SLC4A4: variants seen among roughly 807,000 people sequenced by gnomAD.
SLC4A4 encodes the protein electrogenic sodium bicarbonate cotransporter 1.
In SLC4A4, 27 loss-of-function variants were observed where a neutral mutation model predicts 111.5. The observed-to-expected ratio is 0.24, with a 90% CI of 0.18 to 0.33. The LOEUF is 0.33. Among genes scored for constraint, SLC4A4 ranks in the 10% least tolerant of loss-of-function variants. SLC4A4 has a pLI of 1.00. For synonymous variants in SLC4A4, 443 were observed against 463.4 expected, an observed-to-expected ratio of 0.96 and a Z score of 0.57; for missense variants, 909 against 1,315.5, an observed-to-expected ratio of 0.69 and a Z score of 4.78.
In SLC4A4 at chr4:71,367,192, C is replaced by T. The variant is rs374014204; in HGVS notation, c.730+10005C>T. Among the ~76,000 whole-genome samples the T allele has an allele frequency of 9.2e-5, 14 of 152,288 alleles. No individual in the cohort carries two copies. The South Asian group carries it at 1.2e-3, about 14-fold the overall frequency. ...AGAGGAGAGAGAAGCTGCTGGGGAA[C>T]GTTAGTTATCAGCATGAGTTTTGGA... On this transcript the variant is annotated intron_variant, in intron 6 of 25. Transcript: ENST00000264485.
chr4:71,320,655 G>A (rs1299633861), intron 3 of SLC4A4, among the ~76,000 whole-genome samples: 2 of 151,998 alleles, frequency 1.3e-5, no homozygotes, highest in Non-Finnish European at 2.9e-5. Flanking sequence ...AGCTTATGCA[G>A]GTCTTAAAGA....
At chr4:71,113,900 C>T (rs1305890293) in intron 2 of SLC4A4, among the ~76,000 whole-genome samples, 2 of 152,136 alleles carry the variant, frequency 1.3e-5, no homozygotes, top group South Asian at 4.1e-4. Flanking sequence ...TTTCTATAAA[C>T]AAAGTAATTA....
intron 12 of SLC4A4, among the ~76,000 whole-genome samples, chr4:71,459,355 G>C (rs1036061250): frequency 6.6e-6 from 1 of 151,896 alleles, no homozygotes; most frequent in Non-Finnish European, 1.5e-5. Flanking sequence ...TACGTAGAAG[G>C]TAATTTTGCC....
At chr4:71,409,978 C>T (rs1560482194) in intron 7 of SLC4A4, among the ~76,000 whole-genome samples, 1 of 152,196 alleles carries the variant, frequency 6.6e-6, no homozygotes, top group South Asian at 2.1e-4. Flanking sequence ...GCAGCTTCCA[C>T]ATGGTGTTGA....
intron 14 of SLC4A4, among the ~76,000 whole-genome samples, chr4:71,484,266 G>T (rs773511324): frequency 5.9e-5 from 9 of 151,742 alleles, no homozygotes; most frequent in Non-Finnish European, 1.2e-4. Flanking sequence ...TGTCCTGAAT[G>T]GTATTGCCTA....
chr4:71,568,059 T>C lies in SLC4A4; in HGVS notation c.*308T>C. 6 of 539,816 alleles carry C rather than the reference T, an allele frequency of 1.1e-5. No individual in the cohort carries two copies. The highest frequency in any genetic ancestry group is 2.4e-5 in the South Asian group (1 of 41,572). The allele number at this position is 539,816 out of a possible 1,614,324, so 33.4% of individuals were successfully genotyped here. A position where few individuals can be genotyped will look rare whatever the true frequency, so the allele number is the denominator to read the frequency against. ...TGCATAGACACAATCAAGACAATAG[T>C]GCACCGTTCCTTAAAAACAGCATCT... On this transcript the variant is annotated 3_prime_UTR_variant, in exon 26 of 26. Transcript: ENST00000264485.
At chr4:71,330,606 T>C (rs1203129449) in intron 3 of SLC4A4, among the ~76,000 whole-genome samples, 2 of 152,158 alleles carry the variant, frequency 1.3e-5, no homozygotes, top group Non-Finnish European at 1.5e-5. Flanking sequence ...AAAACTTAAA[T>C]ATTAGACCTA....
chr4:71,548,992 T>A (rs899821023), intron 20 of SLC4A4, among the ~76,000 whole-genome samples: 1 of 151,950 alleles, frequency 6.6e-6, no homozygotes, highest in African/African-American at 2.4e-5. Flanking sequence ...TTCCACAATG[T>A]CAATGAACTG....
At chr4:71,165,655 T>G (rs1387260054) in intron 2 of SLC4A4, among the ~76,000 whole-genome samples, 1 of 152,194 alleles carries the variant, frequency 6.6e-6, no homozygotes, top group Non-Finnish European at 1.5e-5. Flanking sequence ...TATAGCTATG[T>G]AACAAACCTG....
chr4:71,140,602 C>A (rs1743969318), intron 2 of SLC4A4, among the ~76,000 whole-genome samples: 1 of 152,148 alleles, frequency 6.6e-6, no homozygotes, highest in Admixed American at 6.6e-5. Context: ...GCCCCAACCC[C>A]ACTCACTGCC....
At chr4:71,138,513 A>C (rs1453343256) in intron 2 of SLC4A4, among the ~76,000 whole-genome samples, 2 of 152,154 alleles carry the variant, frequency 1.3e-5, no homozygotes, top group African/African-American at 4.8e-5. Flanking sequence ...GCACTGTTAC[A>C]TCTCACTCGG....
At chr4:71,322,029 T>G (rs1727154528) in intron 3 of SLC4A4, among the ~76,000 whole-genome samples, 1 of 152,016 alleles carries the variant, frequency 6.6e-6, no homozygotes, top group South Asian at 2.1e-4. Context: ...AGAACAGATC[T>G]AAATAAGACA....
intron 20 of SLC4A4, among the ~76,000 whole-genome samples, chr4:71,550,839 A>G (rs1424119615): frequency 6.6e-6 from 1 of 151,804 alleles, no homozygotes; most frequent in Non-Finnish European, 1.5e-5. Context: ...GAAGTTTTTC[A>G]TTTTTATTCT....
chr4:71,182,039 G>C (rs1288171434), intron 2 of SLC4A4, among the ~76,000 whole-genome samples: 1 of 152,186 alleles, frequency 6.6e-6, no homozygotes, highest in Admixed American at 6.5e-5. Flanking sequence ...AGCATTCCAA[G>C]ATAATGGACA....
At chr4:71,152,998 A>AAT (rs1167214898) in intron 2 of SLC4A4, among the ~76,000 whole-genome samples, 8 of 143,528 alleles carry the variant, frequency 5.6e-5, no homozygotes, top group African/African-American at 2.1e-4. Context: ...TGTATATATA[A>AAT]ATATATATGT....
At chr4:71,361,390 T>A (rs1730773139) in intron 6 of SLC4A4, among the ~76,000 whole-genome samples, 2 of 152,208 alleles carry the variant, frequency 1.3e-5, no homozygotes, top group Admixed American at 1.3e-4. Context: ...ATTTTTTATC[T>A]GTAATAAATC....
chr4:71,536,486 A>ATATATATATATATATATATATATATG (rs199681803), intron 18 of SLC4A4, among the ~76,000 whole-genome samples: 2 of 68,044 alleles, frequency 2.9e-5, no homozygotes, highest in Non-Finnish European at 5.6e-5. Context: ...ATATATATAT[A>ATATATATATATATATATATATATATG]TGTATATATT....
chr4:71,146,179 T>G (rs1392924750), intron 2 of SLC4A4, among the ~76,000 whole-genome samples: 1 of 152,228 alleles, frequency 6.6e-6, no homozygotes, highest in African/African-American at 2.4e-5. Flanking sequence ...AAGAACATCT[T>G]TATTTCTGCC....
intron 2 of SLC4A4, among the ~76,000 whole-genome samples, chr4:71,160,873 C>A (rs1434025750): frequency 6.6e-6 from 1 of 152,062 alleles, no homozygotes; most frequent in Non-Finnish European, 1.5e-5. Flanking sequence ...CACATATGGA[C>A]TAGATTATAA....
Sources: gnomAD v4.1 joint callset for allele counts (sites outside exome capture counted in the v4.1 genomes callset) on GRCh38, gnomAD v4.1.1 for gene constraint, MANE v1.5 for transcripts, NCBI Gene and HGNC (gene_info 2026-07-23, HGNC 2026-07-21) for gene names.